KCNH6: variants seen among roughly 807,000 people sequenced by gnomAD.
KCNH6 encodes the protein potassium voltage-gated channel subfamily H member 6.
In KCNH6, 81 loss-of-function variants were observed where a neutral mutation model predicts 83.4. The observed-to-expected ratio is 0.97, with a 90% CI of 0.81 to 1.17. KCNH6 has a LOEUF of 1.17. Ranked by LOEUF, KCNH6 falls within the 50% of genes most tolerant of loss-of-function variation. The pLI is 0.00. For synonymous variants in KCNH6, 503 were observed against 545.6 expected, an observed-to-expected ratio of 0.92 and a Z score of 1.09; for missense variants, 1,203 against 1,290.5, an observed-to-expected ratio of 0.93 and a Z score of 1.04.
chr17:63,545,711 T>C lies in KCNH6; in HGVS notation c.2686T>C (p.Ser896Pro). Residue 896 changes from serine to proline, a missense_variant, in exon 13 of 13, where the codon TCC (serine) becomes CCC (proline). Transcript: ENST00000314672. Reference sequence around the variant, plus strand: ...GGCAACGGACAAAACTCTGGCACCATCCTCAGAACAGGAACAGCCTGAGGG... The same window carrying C: ...GGCAACGGACAAAACTCTGGCACCACCCTCAGAACAGGAACAGCCTGAGGG... ...AVATDKTLAP[S>P]SEQEQPEGLW... is the part of the protein sequence containing the mutation. 6.2e-7 allele frequency: 1 copy of C among 1,614,012 alleles called. No individual in the cohort carries two copies.
chr17:63,525,480 A>G (rs1157359971), intron 2 of KCNH6, among the ~76,000 whole-genome samples: 1 of 152,160 alleles, frequency 6.6e-6, no homozygotes, highest in East Asian at 1.9e-4. Context: ...AGGCCACCTG[A>G]GTGGAGATAA....
intron 8 of KCNH6, among the ~76,000 whole-genome samples, chr17:63,540,432 T>TA (rs60372989): frequency 4.7e-4 from 68 of 145,540 alleles, no homozygotes; most frequent in Middle Eastern, 3.5e-3. Context: ...ACTCTGTCTT[T>TA]AAAAAAAAAA....
At chr17:63,546,767 CTG>C (rs1188697367), downstream of KCNH6, 5 of 152,242 alleles carry the variant, frequency 3.3e-5, no homozygotes, top group East Asian at 7.7e-4. Flanking sequence ...ACGTCTTTGA[CTG>C]TGCTGTGGCT....
intron 2 of KCNH6, 25 bp from the exon 3 acceptor site, chr17:63,530,066 C>A (rs199698865): frequency 1.6e-5 from 25 of 1,610,648 alleles, no homozygotes; most frequent in Non-Finnish European, 1.9e-5. Context: ...GGGCCCACCC[C>A]CCATCCTCCC....
rs143123448 is a variant in KCNH6 at position 63,534,068 on chromosome 17, C to T, written c.858C>T (p.Asp286=). The change falls in exon 5 of 13, where the codon GAC becomes GAT. Residue 286 remains aspartate (D), a synonymous_variant. Transcript: ENST00000314672. This position sits in a 1 kb window ranked among gnomAD's most constrained non-coding sequence, Gnocchi z 5.0. ...CCGCCTTCCTGCTCAGCGATCAGGACGAATCACGGCGTGGGGCCTGCAGCT... is the reference window on the plus strand; with the variant it reads ...CCGCCTTCCTGCTCAGCGATCAGGATGAATCACGGCGTGGGGCCTGCAGCT... ...YSAAFLLSDQ[D]ESRRGACSYT... 244 of 1,614,142 alleles carry T rather than the reference C, an allele frequency of 1.5e-4. 1 individual carries two copies. In the African/African-American group the frequency reaches 2.9e-3, roughly 19 times the overall value.
chr17:63,544,087 T>G lies in KCNH6; in HGVS notation c.2234-162T>G, dbSNP rs1163603661. The stretch of plus-strand genomic sequence containing the variant: ...CTGGGTCCTGGGAGCCAGAACTCCA[T>G]GGGGGCAGGACCTTGTGCTCCAGGG... On this transcript the variant is annotated intron_variant, in intron 10 of 12. Transcript: ENST00000314672. The G allele has an allele frequency of 3.1e-6, 5 of 1,609,396 alleles. No individual in the cohort carries two copies. In the Admixed American group the frequency reaches 8.4e-5, roughly 27 times the overall value.
chr17:63,545,459 G>A, intron 12 of KCNH6, 150 bp from the exon 13 acceptor site: 1 of 967,120 alleles, frequency 1.0e-6, no homozygotes, highest in Non-Finnish European at 1.5e-6. Context: ...CCCAGAATGT[G>A]ACTCCAGAGC....
chr17:63,536,332 G>A, intron 6 of KCNH6: 1 of 498,260 alleles, frequency 2.0e-6, no homozygotes, highest in Admixed American at 3.7e-5. Context: ...GAAATTGTAG[G>A]GACCCTTGTT....
chr17:63,530,565 G>A, intron 4 of KCNH6, 23 bp downstream of exon 4: 3 of 1,608,780 alleles, frequency 1.9e-6, no homozygotes, highest in Non-Finnish European at 2.6e-6. Flanking sequence ...AGAGCAGGGT[G>A]TGCAGAGCTG....
chr17:63,537,977 G>A, intron 6 of KCNH6, 88 bp from the exon 7 acceptor site: 1 of 1,292,884 alleles, frequency 7.7e-7, no homozygotes, highest in Middle Eastern at 1.9e-4. Context: ...TCACCAGGGG[G>A]CTGCTGGAAG....
rs766560479 is a variant in KCNH6, at chr17:63,524,416, C to T, written c.307+47C>T. 13 of 1,539,264 alleles carry T rather than the reference C, an allele frequency of 8.4e-6. No homozygotes were observed. In the East Asian group the frequency reaches 3.0e-4, roughly 35 times the overall value. On this transcript the variant is annotated intron_variant, in intron 2 of 12. Transcript: ENST00000314672. ...GGCTTTGCAGGGCAGGCTTGGCCCT[C>T]TGTCTTGTCCAGCCAGGGTGGCCTT...
In KCNH6 at chr17:63,546,280, C is replaced by T. The variant is rs9890263; in HGVS notation, c.*378C>T. ...AAAGATCTTGGGGAGGCAGACAGCC[C>T]CCCAGATGGGCCTCTCCTAAAGTAG... On this transcript the variant is annotated 3_prime_UTR_variant, in exon 13 of 13. Coordinates refer to ENST00000314672, the MANE Select transcript of KCNH6 (RefSeq NM_001278919.2). The T allele has an allele frequency of 0.6, 95,958 of 161,114 alleles. 29,697 individuals are homozygous for T. The highest frequency in any genetic ancestry group is 0.76 in the Middle Eastern group (232 of 304). 10.0% of individuals were successfully genotyped at this position (161,114 alleles called of 1,614,324 possible). A position where few individuals can be genotyped will look rare whatever the true frequency, so the allele number is the denominator to read the frequency against.
In KCNH6 at chr17:63,530,103, G is replaced by T. The variant is rs200899502; in HGVS notation, c.320G>T (p.Arg107Leu). The T allele has an allele frequency of 6.2e-7, 1 of 1,613,388 alleles. No homozygotes were observed. Among genetic ancestry groups the T allele is most frequent in the Non-Finnish European group, 8.5e-7 (1 of 1,180,008 alleles). ...ATGGTGTTCGCAGCCTCCAGCTTCCGCTGCCTGGTAGATGTGGTGCCCGTG... is the reference window on the plus strand; with the variant it reads ...ATGGTGTTCGCAGCCTCCAGCTTCCTCTGCCTGGTAGATGTGGTGCCCGTG... ...LYYRKDASSF[R>L]CLVDVVPVKN... is the part of the protein sequence containing the mutation. Residue 107 changes from arginine to leucine, a missense_variant, in exon 3 of 13, where the codon CGC (arginine) becomes CTC (leucine). By Grantham distance (102) the Arg-to-Leu change is moderately radical. Transcript: ENST00000314672.
rs942439230 is a variant in KCNH6, at chr17:63,528,792, G to T, written c.308-1299G>T. Reference sequence around the variant, plus strand: ...TAGGACTCCCATGGAGAGGGTGCTCGTGGGGTGCCTGGCCTGGGGCTCTTG... The same window carrying T: ...TAGGACTCCCATGGAGAGGGTGCTCTTGGGGTGCCTGGCCTGGGGCTCTTG... On this transcript the variant is annotated intron_variant, in intron 2 of 12. Transcript: ENST00000314672. Among the ~76,000 whole-genome samples, 2 of 152,130 alleles carry T rather than the reference G, an allele frequency of 1.3e-5. 1 individual carries two copies. Among genetic ancestry groups the T allele is most frequent in the South Asian group, 4.1e-4 (2 of 4,830 alleles).
rs774456395 is a variant in KCNH6, at chr17:63,538,362, A to C, written c.1702-48A>C. The C allele has an allele frequency of 2.5e-6, 4 of 1,593,772 alleles. No individual in the cohort carries two copies. Among genetic ancestry groups the C allele is most frequent in the South Asian group, 2.2e-5 (2 of 89,874 alleles). ...CAGAGCCCTCACCACCCTCTCCCCC[A>C]GCCCCACCCCGGCCGCGTCCCGCTG... On this transcript the variant is annotated intron_variant, in intron 7 of 12. Transcript: ENST00000314672. The surrounding 1 kb of genome is among the most constrained non-coding windows in gnomAD (Gnocchi z 4.0).
intron 2 of KCNH6, among the ~76,000 whole-genome samples, chr17:63,529,771 T>C (rs1169383825): frequency 6.6e-6 from 1 of 152,082 alleles, no homozygotes; most frequent in Non-Finnish European, 1.5e-5. Context: ...TCCACCCCCA[T>C]CTGCTCAGCT....
At position 63,523,953 on chromosome 17, in the gene KCNH6, C is replaced by T. The variant is rs530618226; in HGVS notation, c.77-186C>T. On this transcript the variant is annotated intron_variant, in intron 1 of 12. Coordinates refer to ENST00000314672, the MANE Select transcript of KCNH6 (RefSeq NM_001278919.2). The surrounding 1 kb of genome is among the most constrained non-coding windows in gnomAD (Gnocchi z 4.2). ...CAGGAGGCCTTGGGCCTTCCTTCCA[C>T]CTCAAGACCCTCACTGCCCTAGTCT... 2.0e-5 allele frequency among the ~76,000 whole-genome samples: 3 copies of T among 152,134 alleles called. No individual in the cohort carries two copies. The highest frequency in any genetic ancestry group is 7.2e-5 in the African/African-American group (3 of 41,416).
At chr17:63,537,988 G>T in intron 6 of KCNH6, 77 bp from the exon 7 acceptor site, 1 of 1,417,458 alleles carries the variant, frequency 7.1e-7, no homozygotes, top group Non-Finnish European at 9.7e-7. Context: ...CTGCTGGAAG[G>T]AGGAAGACCT....
At position 63,535,773 on chromosome 17, in the gene KCNH6, C is replaced by G; in HGVS notation, c.1206C>G (p.Phe402Leu). 6.2e-7 allele frequency: 1 copy of G among 1,614,208 alleles called. No individual in the cohort carries two copies. Among genetic ancestry groups the G allele is most frequent in the Middle Eastern group, 1.6e-4 (1 of 6,062 alleles). The change falls in exon 6 of 13, where the codon TTC (phenylalanine) becomes TTG (leucine). Residue 402 changes from phenylalanine to leucine, a missense_variant. Transcript: ENST00000314672. The surrounding 1 kb of genome is among the most constrained non-coding windows in gnomAD (Gnocchi z 4.9). Reference protein sequence around the residue: ...RYSEYGAAVLFLLMCTFALIA... With the variant: ...RYSEYGAAVLLLLMCTFALIA... ...CTGAGTATGGGGCGGCTGTGCTCTT[C>G]TTGCTCATGTGCACCTTCGCGCTCA... is the stretch of plus-strand genomic sequence containing the variant.
Sources: gnomAD v4.1 joint callset for allele counts (sites outside exome capture counted in the v4.1 genomes callset) on GRCh38, gnomAD v4.1.1 for gene constraint, Gnocchi (gnomAD v3.1) non-coding constraint, MANE v1.5 for transcripts, NCBI Gene and HGNC (gene_info 2026-07-23, HGNC 2026-07-21) for gene names.